PCDHGA2: variants seen among roughly 807,000 people sequenced by gnomAD.
The protein encoded by PCDHGA2 is protocadherin gamma-A2.
PCDHGA2 carries 40 observed loss-of-function variants against 59.2 expected under a neutral mutation model. The observed-to-expected ratio is 0.68, with a 90% CI of 0.52 to 0.88. The LOEUF is 0.88. Ranked by LOEUF, PCDHGA2 falls within the 40% of genes least tolerant of loss-of-function variation. PCDHGA2 has a pLI of 0.00. For synonymous variants in PCDHGA2, 560 were observed against 526.0 expected, an observed-to-expected ratio of 1.06 and a Z score of -0.89; for missense variants, 1,226 against 1,204.0, an observed-to-expected ratio of 1.02 and a Z score of -0.27.
In PCDHGA2 at chr5:141,463,438, C is replaced by CTTT. The variant is rs71576115; in HGVS notation, c.2425-31343_2425-31341dup. ...GTTTGCGGATCCTCATTTCCTTCTC[C>CTTT]TTTTTTTTTTTTTTTTTTTTTTTTT... On this transcript the variant is annotated intron_variant, in intron 1 of 3. Coordinates refer to ENST00000394576, the MANE Select transcript of PCDHGA2 (RefSeq NM_018915.4). 5.0e-3 allele frequency among the ~76,000 whole-genome samples: 517 copies of CTTT among 103,248 alleles called. 61 individuals are homozygous for CTTT. The highest frequency in any genetic ancestry group is 0.017 in the African/African-American group (381 of 22,398). The allele number at this position is 103,248 out of a possible 152,430, so 67.7% of individuals were successfully genotyped here.
chr5:141,361,960 C>T, intron 1 of PCDHGA2: 1 of 1,602,668 alleles, frequency 6.2e-7, no homozygotes, highest in Non-Finnish European at 8.5e-7. Flanking sequence ...CTACCACGTG[C>T]TGCAGGCCAG....
chr5:141,389,676 C>T, intron 1 of PCDHGA2: 1 of 1,612,444 alleles, frequency 6.2e-7, no homozygotes, highest in Non-Finnish European at 8.5e-7. Context: ...AGACTCAGGA[C>T]ACAACGCCTG....
In PCDHGA2 at chr5:141,477,406, A is replaced by G. The variant is rs1004061582; in HGVS notation, c.2425-17401A>G. The G allele has an allele frequency of 6.2e-7, 1 of 1,614,154 alleles. No individual in the cohort carries two copies. Among genetic ancestry groups the G allele is most frequent in the Non-Finnish European group, 8.5e-7 (1 of 1,180,040 alleles). The stretch of plus-strand genomic sequence containing the variant: ...AATACAACCTCAGCATCACCGCCCG[A>G]GACGCCGGAACCCCTTCCCTCTCAG... On this transcript the variant is annotated intron_variant, in intron 1 of 3. Transcript: ENST00000394576. The surrounding 1 kb of genome is among the most constrained non-coding windows in gnomAD (Gnocchi z 4.9).
intron 1 of PCDHGA2, among the ~76,000 whole-genome samples, chr5:141,373,691 T>G (rs1588722666): frequency 6.6e-6 from 1 of 152,234 alleles, no homozygotes; most frequent in Admixed American, 6.5e-5. Flanking sequence ...TCAGAGAACA[T>G]TTAAAATTAT....
chr5:141,339,975 T>A lies in PCDHGA2; in HGVS notation c.1004T>A (p.Val335Asp), dbSNP rs367818285. Residue 335 changes from valine (V) to aspartate (D), a missense_variant, in exon 1 of 4, where the codon GTC becomes GAC. By Grantham distance (152) the Val-to-Asp change is radical (BLOSUM62 -3). Coordinates refer to ENST00000394576, the MANE Select transcript of PCDHGA2 (RefSeq NM_018915.4). The stretch of plus-strand genomic sequence containing the variant: ...CTTCTAACCAGAGCGAAGGTTATCG[T>A]CACGGTTCTGGATGTGAATGACAAT... ...PGLLTRAKVIVTVLDVNDNAP... is the reference protein window; with the variant it reads ...PGLLTRAKVIDTVLDVNDNAP... 41 of 1,614,132 alleles carry A rather than the reference T, an allele frequency of 2.5e-5. No homozygotes were observed. The African/African-American group carries it at 4.9e-4, about 19-fold the overall frequency.
intron 1 of PCDHGA2, chr5:141,408,572 G>A (rs745760240): frequency 4.3e-6 from 7 of 1,614,048 alleles, no homozygotes; most frequent in East Asian, 2.2e-5. Flanking sequence ...TGTGGTGATT[G>A]AGGATGTTAA....
In PCDHGA2 at chr5:141,419,435, C is replaced by A. The variant is rs2096382649; in HGVS notation, c.2425-75372C>A. The A allele has an allele frequency of 2.5e-6, 4 of 1,613,108 alleles. No individual in the cohort carries two copies. In the African/African-American group the frequency reaches 4.0e-5, roughly 16 times the overall value. ...GCGCGCCTTCGACCACGAGCAGCTG[C>A]GCACCTTCGAGCTCACGCTGCAGGC... is the stretch of plus-strand genomic sequence containing the variant. On this transcript the variant is annotated intron_variant, in intron 1 of 3. Transcript: ENST00000394576.
At position 141,477,100 on chromosome 5, in the gene PCDHGA2, C is replaced by A. The variant is rs970613825; in HGVS notation, c.2425-17707C>A. On this transcript the variant is annotated intron_variant, in intron 1 of 3. Transcript: ENST00000394576. This position sits in a 1 kb window ranked among gnomAD's most constrained non-coding sequence, Gnocchi z 4.9. ...TTTACATCCAGGCCAAAGACAAGGGCGCCAATCCCGAAGGAGCACATTGCA... is the reference window on the plus strand; with the variant it reads ...TTTACATCCAGGCCAAAGACAAGGGAGCCAATCCCGAAGGAGCACATTGCA... 1 of 1,614,216 alleles carries A rather than the reference C, an allele frequency of 6.2e-7. No homozygotes were observed. Among genetic ancestry groups the A allele is most frequent in the Non-Finnish European group, 8.5e-7 (1 of 1,180,040 alleles).
intron 1 of PCDHGA2, chr5:141,350,705 T>C (rs761943994): frequency 6.2e-7 from 1 of 1,613,940 alleles, no homozygotes; most frequent in Non-Finnish European, 8.5e-7. Context: ...CGGGGTAAAA[T>C]TCTCTCTGGA....
intron 1 of PCDHGA2, chr5:141,351,991 C>G (rs769411499): frequency 3.1e-6 from 5 of 1,610,778 alleles, no homozygotes; most frequent in Non-Finnish European, 1.7e-6. Context: ...TGCCACGCGC[C>G]GCAGAGCCCG....
intron 1 of PCDHGA2, among the ~76,000 whole-genome samples, chr5:141,483,057 C>T (rs1329609397): frequency 6.6e-6 from 1 of 152,028 alleles, no homozygotes; most frequent in African/African-American, 2.4e-5. Flanking sequence ...TGCACTCCAG[C>T]ATGGGCAACA....
intron 1 of PCDHGA2, chr5:141,374,095 G>C (rs774100259): frequency 6.4e-7 from 1 of 1,556,900 alleles, no homozygotes. Context: ...TGGCGCCTCC[G>C]CAGAGGCATC....
chr5:141,454,669 AC>A (rs1292139052), intron 1 of PCDHGA2, among the ~76,000 whole-genome samples: 1 of 151,212 alleles, frequency 6.6e-6, no homozygotes, highest in African/African-American at 2.4e-5. Context: ...GCCTCCCAAA[AC>A]ACTGGGATTA....
At chr5:141,356,082 G>A in intron 1 of PCDHGA2, 4 of 1,613,870 alleles carry the variant, frequency 2.5e-6, no homozygotes, top group Non-Finnish European at 3.4e-6. Flanking sequence ...TATTTCAGTT[G>A]AATTCTCTGA....
intron 1 of PCDHGA2, among the ~76,000 whole-genome samples, chr5:141,463,542 G>A (rs1376087953): frequency 7.1e-6 from 1 of 141,810 alleles, no homozygotes; most frequent in African/African-American, 2.6e-5. Context: ...TCCGGCTCCC[G>A]GGTTCATGCC....
chr5:141,438,591 CATATATATATATATAT>C (rs946798767), intron 1 of PCDHGA2, among the ~76,000 whole-genome samples: 4 of 75,562 alleles, frequency 5.3e-5, no homozygotes, highest in East Asian at 3.5e-4. Context: ...TACATACATA[CATATATATATATATAT>C]ATATATATAT....
intron 1 of PCDHGA2, chr5:141,423,023 C>G (rs1410040994): frequency 6.2e-7 from 1 of 1,614,222 alleles, no homozygotes; most frequent in Non-Finnish European, 8.5e-7. Context: ...GACAAAGATT[C>G]AGGCCAGAAC....
intron 1 of PCDHGA2, chr5:141,393,012 G>T: frequency 1.9e-6 from 3 of 1,613,842 alleles, no homozygotes; most frequent in Non-Finnish European, 2.5e-6. Context: ...AGTCCGTATC[G>T]TCTCCAGAGG....
At chr5:141,369,742 A>G (rs1766466506) in intron 1 of PCDHGA2, among the ~76,000 whole-genome samples, 1 of 152,236 alleles carries the variant, frequency 6.6e-6, no homozygotes, top group African/African-American at 2.4e-5. Flanking sequence ...AGGAAATAGA[A>G]TGCAATAAGA....
Sources: allele counts gnomAD v4.1 joint callset (sites outside exome capture counted in the v4.1 genomes callset), GRCh38; gene constraint gnomAD v4.1.1; non-coding constraint Gnocchi (gnomAD v3.1); transcripts MANE v1.5; gene names NCBI Gene and HGNC (gene_info 2026-07-23, HGNC 2026-07-21).